The following DMD variants were observed in gnomAD, a reference collection of about 807,000 sequenced individuals.
DMD encodes mutant dystrophin.
Under a neutral mutation model 330.1 loss-of-function variants are expected in DMD, and 63 were observed. The observed-to-expected ratio is 0.19, with a 90% CI of 0.16 to 0.24. DMD has a LOEUF of 0.24. Ranked by LOEUF, DMD falls within the 10% of genes least tolerant of loss-of-function variation. The pLI is 1.00. For missense variants in DMD, 3,344 were observed against 2,684.1 expected (o/e 1.25, Z -5.43); for synonymous variants, 1,223 against 959.8 (o/e 1.27, Z -5.07).
At chrX:32,747,389 G>C (rs1207220378) in intron 7 of DMD, among the ~76,000 whole-genome samples, 1 of 112,119 alleles carries the variant, frequency 8.9e-6, no homozygotes, top group Non-Finnish European at 1.9e-5. Flanking sequence ...GGAGACAGTT[G>C]TGGCTGCAGA....
In DMD at chrX:31,252,679, G is replaced by A. The variant is rs113601031; in HGVS notation, c.9286+8276C>T. Among the ~76,000 whole-genome samples the A allele has an allele frequency of 1.2e-3, 123 of 104,733 alleles. 1 individual carries two copies. Among genetic ancestry groups the A allele is most frequent in the African/African-American group, 3.8e-3 (117 of 30,651 alleles). The allele number at this position is 104,733 out of a possible 115,157, so 90.9% of individuals were successfully genotyped here. On this transcript the variant is annotated intron_variant, in intron 63 of 78. Transcript: ENST00000357033. ...ATATGGTTATTTCTGAAAACTCTTCGCCATTGTAAAGTGCTACACAAATAA... is the reference window on the plus strand; with the variant it reads ...ATATGGTTATTTCTGAAAACTCTTCACCATTGTAAAGTGCTACACAAATAA...
intron 70 of DMD, chrX:31,178,251 T>C (rs1292037466): frequency 1.3e-6 from 1 of 750,512 alleles, no homozygotes; most frequent in African/African-American, 2.3e-5. Flanking sequence ...CCTGTGACTA[T>C]ATTTTCTTTT....
intron 44 of DMD, among the ~76,000 whole-genome samples, chrX:32,127,351 G>C (rs1306428924): frequency 9.0e-6 from 1 of 111,296 alleles, no homozygotes; most frequent in East Asian, 2.8e-4. Flanking sequence ...CTCACTCAAG[G>C]ACCTGAAAGC....
At chrX:32,833,482 A>G (rs374417903) in intron 4 of DMD, among the ~76,000 whole-genome samples, 4 of 110,508 alleles carry the variant, frequency 3.6e-5, no homozygotes, top group Non-Finnish European at 7.6e-5. Flanking sequence ...TAGAATATAT[A>G]TTAGAGGGCA....
chrX:32,454,646 CTTTTT>C lies in DMD; in HGVS notation c.3603+11_3603+15del. 1.0e-6 allele frequency: 1 copy of C among 999,573 alleles called. No individual in the cohort carries two copies. Among genetic ancestry groups the C allele is most frequent in the Non-Finnish European group, 1.3e-6 (1 of 742,022 alleles). The allele number at this position is 999,573 out of a possible 1,213,427, so 82.4% of individuals were successfully genotyped here. On this transcript the variant is annotated intron_variant, in intron 26 of 78. Coordinates refer to ENST00000357033, the MANE Select transcript of DMD (RefSeq NM_004006.3). ...ATTTCCTTTGTTTTACTTAGTTTTT[CTTTTT>C]TTTTTTTTACCTTCATCTCTTCAAC...
intron 67 of DMD, among the ~76,000 whole-genome samples, chrX:31,183,503 C>A (rs2041387251): frequency 9.0e-6 from 1 of 111,357 alleles, no homozygotes; most frequent in Admixed American, 9.5e-5. Context: ...TCATGATGCC[C>A]TGTTGATTCT....
chrX:33,150,824 T>C (rs2048252899), intron 1 of DMD, among the ~76,000 whole-genome samples: 1 of 110,782 alleles, frequency 9.0e-6, no homozygotes, highest in South Asian at 3.8e-4. Context: ...TTAGCACTTA[T>C]ATTTCACTAA....
At chrX:33,107,826 T>C (rs1466443906) in intron 1 of DMD, among the ~76,000 whole-genome samples, 1 of 111,878 alleles carries the variant, frequency 8.9e-6, no homozygotes, top group Admixed American at 9.5e-5. Context: ...AAATTAATAA[T>C]GACTTTAAAT....
At chrX:31,754,915 C>A (rs2088928977) in intron 51 of DMD, among the ~76,000 whole-genome samples, 1 of 111,457 alleles carries the variant, frequency 9.0e-6, no homozygotes, top group Non-Finnish European at 1.9e-5. Context: ...TGTAGTTAGA[C>A]CGCTAAAAAT....
chrX:32,127,738 A>G (rs933760290), intron 44 of DMD, among the ~76,000 whole-genome samples: 17 of 112,522 alleles, frequency 1.5e-4, no homozygotes, highest in African/African-American at 5.5e-4. Flanking sequence ...GCATAATAAA[A>G]TACATCAGCT....
intron 60 of DMD, among the ~76,000 whole-genome samples, chrX:31,375,581 A>T (rs1693366896): frequency 8.9e-6 from 1 of 111,958 alleles, no homozygotes; most frequent in Non-Finnish European, 1.9e-5. Context: ...ACTTGAGGAC[A>T]TTATGCTACG....
At chrX:31,766,498 T>C (rs1336610937) in intron 51 of DMD, among the ~76,000 whole-genome samples, 1 of 112,060 alleles carries the variant, frequency 8.9e-6, no homozygotes, top group Non-Finnish European at 1.9e-5. Context: ...CCTCAGGTGA[T>C]ACACCCGCCT....
Position 32,632,054 on chromosome X carries a change from C to T in DMD, c.1331+12078G>A, listed in dbSNP as rs189381446. Among the ~76,000 whole-genome samples the T allele has an allele frequency of 9.0e-5, 10 of 111,544 alleles. No homozygotes were observed. In the East Asian group the frequency reaches 1.4e-3, roughly 16 times the overall value. On this transcript the variant is annotated intron_variant, in intron 11 of 78. Transcript: ENST00000357033. Reference sequence around the variant, plus strand: ...GGTAAGTTTCTTCTACCTATGAGCCCGTAAAATCAAAAACCAATTAGTTAC... The same window carrying T: ...GGTAAGTTTCTTCTACCTATGAGCCTGTAAAATCAAAAACCAATTAGTTAC...
chrX:32,399,916 G>C (rs1325190514), intron 30 of DMD, among the ~76,000 whole-genome samples: 2 of 111,536 alleles, frequency 1.8e-5, no homozygotes, highest in Non-Finnish European at 3.8e-5. Context: ...GGGACAATTT[G>C]ACTTCCTCTT....
At chrX:32,731,478 G>C (rs2067638259) in intron 7 of DMD, among the ~76,000 whole-genome samples, 1 of 112,841 alleles carries the variant, frequency 8.9e-6, no homozygotes, top group Non-Finnish European at 1.9e-5. Context: ...CAAACAAAAA[G>C]ACAGCAGTAA....
intron 13 of DMD, among the ~76,000 whole-genome samples, chrX:32,587,681 C>A (rs2149223444): frequency 9.0e-6 from 1 of 110,879 alleles, no homozygotes; most frequent in Admixed American, 9.7e-5. Context: ...CAGTATGTCA[C>A]CTCTTTTAAA....
intron 1 of DMD, among the ~76,000 whole-genome samples, chrX:33,287,767 T>C (rs2053455320): frequency 9.0e-6 from 1 of 111,289 alleles, no homozygotes; most frequent in Admixed American, 9.6e-5. Context: ...CACACCTTAG[T>C]TGTTAATTTA....
chrX:33,235,115 G>A (rs1391934793), intron 1 of DMD, among the ~76,000 whole-genome samples: 1 of 111,978 alleles, frequency 8.9e-6, no homozygotes, highest in Non-Finnish European at 1.9e-5. Flanking sequence ...AGAGAATTAC[G>A]TTAAGGGATG....
intron 2 of DMD, among the ~76,000 whole-genome samples, chrX:32,954,217 T>C (rs1161000698): frequency 1.8e-5 from 2 of 111,538 alleles, no homozygotes; most frequent in Non-Finnish European, 3.8e-5. Flanking sequence ...AGCCATTCAA[T>C]CAACATTTTA....
Sources: allele counts gnomAD v4.1 joint callset (sites outside exome capture counted in the v4.1 genomes callset), GRCh38; gene constraint gnomAD v4.1.1; transcripts MANE v1.5; gene names NCBI Gene and HGNC (gene_info 2026-07-23, HGNC 2026-07-21).